KCNH7: variants seen among roughly 807,000 people sequenced by gnomAD.
KCNH7 encodes potassium voltage-gated channel subfamily H member 7.
A neutral mutation model predicts 120.8 loss-of-function variants in KCNH7; 49 were observed. The observed-to-expected ratio is 0.41, with a 90% CI of 0.32 to 0.51. KCNH7 has a LOEUF of 0.51. Among genes scored for constraint, KCNH7 ranks in the 20% least tolerant of loss-of-function variants. The pLI is 0.38. For missense variants in KCNH7, 1,097 were observed against 1,446.6 expected (o/e 0.76, Z 3.92); for synonymous variants, 547 against 516.1 (o/e 1.06, Z -0.81).
Position 162,697,469 on chromosome 2 carries a change from A to C in KCNH7, c.307+139068T>G, listed in dbSNP as rs562209964. Among the ~76,000 whole-genome samples the C allele has an allele frequency of 9.9e-5, 15 of 152,268 alleles. No individual in the cohort carries two copies. The South Asian group carries it at 2.9e-3, about 29-fold the overall frequency. On this transcript the variant is annotated intron_variant, in intron 2 of 15. Coordinates refer to ENST00000332142, the MANE Select transcript of KCNH7 (RefSeq NM_033272.4). Reference sequence around the variant, plus strand: ...AAGAATGGGCAAGGCTAAATAAACTATGGTGTCTAAGTATACAAAATGGGA... The same window carrying C: ...AAGAATGGGCAAGGCTAAATAAACTCTGGTGTCTAAGTATACAAAATGGGA...
At chr2:162,503,897 C>A (rs1335263426) in intron 6 of KCNH7, among the ~76,000 whole-genome samples, 4 of 152,024 alleles carry the variant, frequency 2.6e-5, no homozygotes, top group Admixed American at 1.3e-4. Context: ...AGCTTTTCAT[C>A]CTAGTTCAAG....
chr2:162,668,929 T>G (rs1323717122), intron 2 of KCNH7, among the ~76,000 whole-genome samples: 2 of 152,096 alleles, frequency 1.3e-5, no homozygotes, highest in African/African-American at 4.8e-5. Flanking sequence ...ATACTTGAAA[T>G]TAAAAACTTA....
intron 2 of KCNH7, among the ~76,000 whole-genome samples, chr2:162,753,906 T>A (rs1688699598): frequency 6.6e-6 from 1 of 152,044 alleles, no homozygotes; most frequent in Non-Finnish European, 1.5e-5. Context: ...CCCACATGGT[T>A]TATAAGTGGA....
chr2:162,561,052 C>A (rs1430398416), intron 2 of KCNH7, among the ~76,000 whole-genome samples: 1 of 148,384 alleles, frequency 6.7e-6, no homozygotes, highest in Non-Finnish European at 1.5e-5. Flanking sequence ...ATGAAATAAC[C>A]TTTTTTTTTT....
Position 162,377,269 on chromosome 2 carries a change from A to G in KCNH7, c.3131+2584T>C, listed in dbSNP as rs546800941. Reference sequence around the variant, plus strand: ...GATTTTAAATCCCAAACGAGCAAAAAAAAAAAAAGTGTGAAAATATCACAG... The same window carrying G: ...GATTTTAAATCCCAAACGAGCAAAAGAAAAAAAAGTGTGAAAATATCACAG... On this transcript the variant is annotated intron_variant, in intron 14 of 15. Coordinates refer to ENST00000332142, the MANE Select transcript of KCNH7 (RefSeq NM_033272.4). Among the ~76,000 whole-genome samples the G allele has an allele frequency of 4.6e-5, 7 of 152,308 alleles. No individual in the cohort carries two copies. The East Asian group carries it at 1.4e-3, about 29-fold the overall frequency.
intron 2 of KCNH7, among the ~76,000 whole-genome samples, chr2:162,771,292 G>A (rs1459415915): frequency 2.0e-5 from 3 of 152,002 alleles, no homozygotes; most frequent in African/African-American, 7.2e-5. Context: ...TATTTTCATT[G>A]CTCTTATGAA....
chr2:162,496,396 T>G (rs1384510358), intron 6 of KCNH7, among the ~76,000 whole-genome samples: 1 of 152,064 alleles, frequency 6.6e-6, no homozygotes, highest in Non-Finnish European at 1.5e-5. Context: ...AGGGCCCGCA[T>G]GCGCACTGGG....
At chr2:162,804,822 G>A (rs1269940866) in intron 2 of KCNH7, among the ~76,000 whole-genome samples, 1 of 149,514 alleles carries the variant, frequency 6.7e-6, no homozygotes, top group Non-Finnish European at 1.5e-5. Flanking sequence ...GAACACATCT[G>A]GAAGCACCTC....
At chr2:162,777,521 G>T (rs1214271747) in intron 2 of KCNH7, among the ~76,000 whole-genome samples, 1 of 152,098 alleles carries the variant, frequency 6.6e-6, no homozygotes, top group Non-Finnish European at 1.5e-5. Context: ...GGTAGTAAAA[G>T]TGTAAGAGTA....
At chr2:162,804,139 G>C (rs543856581) in intron 2 of KCNH7, among the ~76,000 whole-genome samples, 1 of 151,728 alleles carries the variant, frequency 6.6e-6, no homozygotes, top group Non-Finnish European at 1.5e-5. Context: ...CTATACAGAT[G>C]TATAAAATCA....
rs188162805 is a variant in KCNH7 at position 162,529,076 on chromosome 2, G to A, written c.463+7849C>T. On this transcript the variant is annotated intron_variant, in intron 3 of 15. Transcript: ENST00000332142. The stretch of plus-strand genomic sequence containing the variant: ...AGTTCTTAGCTTGAAATGCTAAATC[G>A]CCCAGAAATACTAAAATCTTCTAAA... 1.4e-4 allele frequency among the ~76,000 whole-genome samples: 22 copies of A among 152,024 alleles called. No homozygotes were observed. In the East Asian group the frequency reaches 4.1e-3, roughly 28 times the overall value.
intron 5 of KCNH7, 50 bp downstream of exon 5, chr2:162,512,604 T>A: frequency 6.4e-7 from 1 of 1,567,502 alleles, no homozygotes; most frequent in South Asian, 1.1e-5. Flanking sequence ...ACATGCCGAG[T>A]AAAGGGGCAG....
At chr2:162,774,836 C>T (rs1208592445) in intron 2 of KCNH7, among the ~76,000 whole-genome samples, 1 of 151,934 alleles carries the variant, frequency 6.6e-6, no homozygotes, top group African/African-American at 2.4e-5. Context: ...CACTTGTTTC[C>T]TGGAATAATT....
At chr2:162,757,341 A>G (rs1688821425) in intron 2 of KCNH7, among the ~76,000 whole-genome samples, 1 of 152,160 alleles carries the variant, frequency 6.6e-6, no homozygotes. Flanking sequence ...GTATTGAAAA[A>G]GCAGCTGCTT....
chr2:162,688,895 A>C (rs1194181844), intron 2 of KCNH7, among the ~76,000 whole-genome samples: 3 of 151,928 alleles, frequency 2.0e-5, no homozygotes. Flanking sequence ...AATGATCTGG[A>C]ATGAATCCTT....
At chr2:162,651,847 G>A (rs1457800532) in intron 2 of KCNH7, among the ~76,000 whole-genome samples, 1 of 152,098 alleles carries the variant, frequency 6.6e-6, no homozygotes, top group Non-Finnish European at 1.5e-5. Context: ...CCTGTTCTCT[G>A]CATCCTCACC....
chr2:162,694,550 C>T (rs921953814), intron 2 of KCNH7, among the ~76,000 whole-genome samples: 1 of 151,814 alleles, frequency 6.6e-6, no homozygotes, highest in African/African-American at 2.4e-5. Context: ...CTTTAAGCCC[C>T]TCACTCAGAA....
At chr2:162,657,459 G>A (rs866175123) in intron 2 of KCNH7, among the ~76,000 whole-genome samples, 4 of 152,180 alleles carry the variant, frequency 2.6e-5, no homozygotes, top group Admixed American at 6.5e-5. Flanking sequence ...ATGCATTTAA[G>A]TACCTTCTTA....
chr2:162,407,268 C>G (rs559692555), intron 9 of KCNH7, among the ~76,000 whole-genome samples: 1 of 151,968 alleles, frequency 6.6e-6, no homozygotes, highest in Non-Finnish European at 1.5e-5. Flanking sequence ...CTGTCACACA[C>G]GGACAGAGAT....
Sources: gnomAD v4.1 joint callset for allele counts (sites outside exome capture counted in the v4.1 genomes callset) on GRCh38, gnomAD v4.1.1 for gene constraint, MANE v1.5 for transcripts, NCBI Gene and HGNC (gene_info 2026-07-23, HGNC 2026-07-21) for gene names.